The following ERBB4 variants were observed in gnomAD, a reference collection of about 807,000 sequenced individuals.
ERBB4 encodes erb-b2 receptor tyrosine kinase 4, also known as receptor tyrosine-protein kinase erbB-4.
Under a neutral mutation model 158.0 loss-of-function variants are expected in ERBB4, and 42 were observed. That is an observed-to-expected ratio of 0.27 (90% confidence interval 0.21 to 0.34). The LOEUF is 0.34. Among genes scored for constraint, ERBB4 ranks in the 10% least tolerant of loss-of-function variants. ERBB4 has a pLI of 1.00. For synonymous variants in ERBB4, 583 were observed against 558.7 expected (o/e 1.04, Z -0.61); for missense variants, 1,333 against 1,624.1 (o/e 0.82, Z 3.08).
At position 211,725,184 on chromosome 2, in the gene ERBB4, C is replaced by A. The variant is rs142765774; in HGVS notation, c.633G>T (p.Thr211=). ...TENHCQTLTR[T]VCAEQCDGRC... ...TGCCGTCACATTGTTCTGCACACAC[C>A]GTCCTTGTCACTGCAGAAGACAGAG... The change falls in exon 6 of 28, where the codon ACG becomes ACT. Residue 211 remains threonine (T), a synonymous_variant. Transcript: ENST00000342788. 3.1e-6 allele frequency: 5 copies of A among 1,612,752 alleles called. No individual in the cohort carries two copies. The highest frequency in any genetic ancestry group is 2.7e-5 in the African/African-American group (2 of 74,832).
chr2:211,385,467 G>C (rs2062665768), intron 27 of ERBB4, among the ~76,000 whole-genome samples: 1 of 152,142 alleles, frequency 6.6e-6, no homozygotes, highest in African/African-American at 2.4e-5. Flanking sequence ...CCCTGCAGGA[G>C]TTGGGTGAAC....
intron 2 of ERBB4, among the ~76,000 whole-genome samples, chr2:212,014,539 C>T (rs1055343701): frequency 1.3e-5 from 2 of 152,098 alleles, no homozygotes; most frequent in African/African-American, 2.4e-5. Context: ...CTATCATAAA[C>T]GGAGTGGTCA....
intron 20 of ERBB4, among the ~76,000 whole-genome samples, chr2:211,514,708 T>A (rs750542730): frequency 6.6e-6 from 1 of 152,164 alleles, no homozygotes. Flanking sequence ...AGGTTGAGAA[T>A]CCCTTATCTG....
In ERBB4 at chr2:212,339,183, G is replaced by A. The variant is rs576066993; in HGVS notation, c.82+199266C>T. 2.0e-5 allele frequency among the ~76,000 whole-genome samples: 3 copies of A among 152,030 alleles called. No homozygotes were observed. In the East Asian group the frequency reaches 5.8e-4, roughly 30 times the overall value. ...CCCTCCCCAACCCCACACCTCATCA[G>A]GCCCAGTGTGTGTTGTTCCCCTTCC... On this transcript the variant is annotated intron_variant, in intron 1 of 27. Transcript: ENST00000342788.
chr2:211,936,983 C>T (rs2080341749), intron 3 of ERBB4, among the ~76,000 whole-genome samples: 1 of 152,106 alleles, frequency 6.6e-6, no homozygotes, highest in African/African-American at 2.4e-5. Flanking sequence ...TACACAGTTT[C>T]ACCATTACAA....
intron 1 of ERBB4, among the ~76,000 whole-genome samples, chr2:212,385,243 T>C (rs76840931): frequency 0.015 from 2,318 of 151,896 alleles, 53 homozygotes; most frequent in African/African-American, 0.053. Context: ...ATATTATACC[T>C]GTTAGGCTTA....
At chr2:211,716,577 G>A (rs2073917671) in intron 7 of ERBB4, among the ~76,000 whole-genome samples, 2 of 151,954 alleles carry the variant, frequency 1.3e-5, no homozygotes, top group African/African-American at 4.8e-5. Flanking sequence ...TCGGGAGGCT[G>A]AGGCAGGAGA....
chr2:211,560,796 G>T (rs1401025208), intron 20 of ERBB4, among the ~76,000 whole-genome samples: 1 of 152,018 alleles, frequency 6.6e-6, no homozygotes, highest in Non-Finnish European at 1.5e-5. Flanking sequence ...TGCGAGTTAT[G>T]GTGTATAGAA....
chr2:212,290,787 CAAAT>C (rs2086178011), intron 1 of ERBB4, among the ~76,000 whole-genome samples: 1 of 151,550 alleles, frequency 6.6e-6, no homozygotes, highest in Non-Finnish European at 1.5e-5. Context: ...TGTAAAAAAA[CAAAT>C]AACGAACATA....
At chr2:212,143,894 C>T (rs2080571851) in intron 1 of ERBB4, among the ~76,000 whole-genome samples, 1 of 151,942 alleles carries the variant, frequency 6.6e-6, no homozygotes, top group South Asian at 2.1e-4. Context: ...TGACGCATGC[C>T]TGTAGTCCCA....
At chr2:211,441,817 C>G (rs1455995844) in intron 20 of ERBB4, among the ~76,000 whole-genome samples, 1 of 152,104 alleles carries the variant, frequency 6.6e-6, no homozygotes, top group Non-Finnish European at 1.5e-5. Flanking sequence ...AGCTGTATCA[C>G]TAGCTATTCT....
chr2:211,992,583 A>C (rs934118101), intron 2 of ERBB4, among the ~76,000 whole-genome samples: 1 of 150,888 alleles, frequency 6.6e-6, no homozygotes, highest in African/African-American at 2.4e-5. Flanking sequence ...AAAAAAAAAC[A>C]TGAGTTTGTC....
At chr2:211,543,165 T>A (rs1341346268) in intron 20 of ERBB4, among the ~76,000 whole-genome samples, 2 of 151,972 alleles carry the variant, frequency 1.3e-5, no homozygotes, top group Admixed American at 1.3e-4. Context: ...ATTAAGTTTA[T>A]AAATTGTTTA....
At chr2:211,423,186 G>A (rs138166393) in intron 23 of ERBB4, among the ~76,000 whole-genome samples, 14 of 152,004 alleles carry the variant, frequency 9.2e-5, no homozygotes, top group African/African-American at 2.2e-4. Flanking sequence ...TTGAGGTATC[G>A]GTTTCTTTCC....
chr2:211,725,872 A>G (rs942845293), intron 5 of ERBB4, among the ~76,000 whole-genome samples: 1 of 152,102 alleles, frequency 6.6e-6, no homozygotes, highest in African/African-American at 2.4e-5. Flanking sequence ...GAAAGAAAAA[A>G]GGAAGGAAAG....
chr2:211,999,221 CTTAA>C (rs36016879), intron 2 of ERBB4, among the ~76,000 whole-genome samples: 46 of 151,824 alleles, frequency 3.0e-4, no homozygotes, highest in African/African-American at 4.6e-4. Context: ...ATCTGACTGC[CTTAA>C]TTAACATGGC....
chr2:211,843,956 C>A (rs1379416698), intron 3 of ERBB4, among the ~76,000 whole-genome samples: 3 of 152,060 alleles, frequency 2.0e-5, no homozygotes, highest in Non-Finnish European at 2.9e-5. Flanking sequence ...GAATTGCCAA[C>A]TTTTCACAGA....
intron 1 of ERBB4, among the ~76,000 whole-genome samples, chr2:212,399,141 C>G (rs2091117313): frequency 6.6e-6 from 1 of 151,950 alleles, no homozygotes; most frequent in Admixed American, 6.6e-5. Context: ...CAGGGTTTCA[C>G]CATGTTGGCC....
chr2:211,972,358 C>T (rs1183984311), intron 2 of ERBB4, among the ~76,000 whole-genome samples: 1 of 152,180 alleles, frequency 6.6e-6, no homozygotes, highest in Non-Finnish European at 1.5e-5. Context: ...AATGCTATTC[C>T]TATTCAACTA....
Sources: gnomAD v4.1 joint callset for allele counts (sites outside exome capture counted in the v4.1 genomes callset) on GRCh38, gnomAD v4.1.1 for gene constraint, MANE v1.5 for transcripts, NCBI Gene and HGNC (gene_info 2026-07-23, HGNC 2026-07-21) for gene names.